Variants in EPB41L4B observed in about 807,000 individuals in gnomAD.
EPB41L4B encodes erythrocyte membrane protein band 4.1 like 4B.
Under a neutral mutation model 112.5 loss-of-function variants are expected in EPB41L4B, and 30 were observed. The observed-to-expected ratio is 0.27, with a 90% CI of 0.20 to 0.36. EPB41L4B has a LOEUF of 0.36. Ranked by LOEUF, EPB41L4B falls within the 10% of genes least tolerant of loss-of-function variation. The pLI, the probability that EPB41L4B is intolerant of heterozygous loss-of-function variation, is 1.00. For synonymous variants in EPB41L4B, 408 were observed against 439.7 expected (o/e 0.93, Z 0.90); for missense variants, 1,024 against 1,133.3 (o/e 0.90, Z 1.38).
In EPB41L4B at chr9:109,243,731, A is replaced by G. The variant is rs372818914; in HGVS notation, c.1345-49T>C. ...ATTATTTGATGACCTTTTAATTTCA[A>G]TGGTCCTCATTCGCTTTGTCTGTTC... On this transcript the variant is annotated intron_variant, in intron 14 of 25. Transcript: ENST00000374566. 1.2e-4 allele frequency: 195 copies of G among 1,578,540 alleles called. 1 individual carries two copies. The African/African-American group carries it at 2.3e-3, about 19-fold the overall frequency.
At chr9:109,197,827 A>AC (rs1010460292) in intron 20 of EPB41L4B, among the ~76,000 whole-genome samples, 4 of 151,742 alleles carry the variant, frequency 2.6e-5, no homozygotes, top group Admixed American at 2.0e-4. Flanking sequence ...ATCAAAAAAA[A>AC]AAAAAAACAA....
chr9:109,260,447 C>A (rs1051515218), intron 6 of EPB41L4B, among the ~76,000 whole-genome samples: 2 of 138,526 alleles, frequency 1.4e-5, no homozygotes, highest in Non-Finnish European at 3.0e-5. Flanking sequence ...CAGAGTCTCG[C>A]TCTGTCACCC....
intron 21 of EPB41L4B, among the ~76,000 whole-genome samples, chr9:109,193,886 G>T (rs375045139): frequency 6.6e-6 from 1 of 152,132 alleles, no homozygotes; most frequent in African/African-American, 2.4e-5. Flanking sequence ...ACTATGGTTG[G>T]GGGGGAATCA....
intron 18 of EPB41L4B, among the ~76,000 whole-genome samples, chr9:109,207,099 C>T (rs1833013510): frequency 6.6e-6 from 1 of 152,210 alleles, no homozygotes; most frequent in South Asian, 2.1e-4. Context: ...GGCACAGTGG[C>T]CCCTGCTTAG....
intron 19 of EPB41L4B, among the ~76,000 whole-genome samples, chr9:109,200,938 C>T (rs1405674051): frequency 6.6e-6 from 1 of 151,994 alleles, no homozygotes; most frequent in Admixed American, 6.6e-5. Flanking sequence ...TTCAGGTAAC[C>T]AATGGACCCT....
rs1365791680 is a variant in EPB41L4B at position 109,320,947 on chromosome 9, T to C, written c.-501A>G. The C allele has an allele frequency of 1.3e-5, 2 of 159,494 alleles. No individual in the cohort carries two copies. The highest frequency in any genetic ancestry group is 2.6e-5 in the Non-Finnish European group (2 of 75,572). The allele number at this position is 159,494 out of a possible 1,614,324, so 9.9% of individuals were successfully genotyped here. Reference sequence around the variant, plus strand: ...CGAGGAGGCCCCGCCGAGCGCCCGCTCCCAAGGCGCCTTTTCCTGCGCCCG... The same window carrying C: ...CGAGGAGGCCCCGCCGAGCGCCCGCCCCCAAGGCGCCTTTTCCTGCGCCCG... On this transcript the variant is annotated 5_prime_UTR_variant, in exon 1 of 26. Transcript: ENST00000374566.
intron 15 of EPB41L4B, among the ~76,000 whole-genome samples, chr9:109,227,856 A>AGGTGTGAGCCAC (rs1359560082): frequency 6.6e-6 from 1 of 152,156 alleles, no homozygotes. Context: ...CTGGGATTAC[A>AGGTGTGAGCCAC]GGTGTGAGCC....
At chr9:109,234,694 T>C (rs181243399) in intron 15 of EPB41L4B, among the ~76,000 whole-genome samples, 1 of 152,040 alleles carries the variant, frequency 6.6e-6, no homozygotes. Flanking sequence ...CAAGACCCCA[T>C]CTCTACAAAA....
intron 15 of EPB41L4B, among the ~76,000 whole-genome samples, chr9:109,225,814 A>G (rs1833741068): frequency 2.0e-5 from 3 of 152,102 alleles, no homozygotes; most frequent in Admixed American, 2.0e-4. Context: ...TGGGGGAGGG[A>G]CTGCATAGGG....
At chr9:109,250,831 TA>T (rs1834760080) in intron 13 of EPB41L4B, among the ~76,000 whole-genome samples, 1 of 152,206 alleles carries the variant, frequency 6.6e-6, no homozygotes, top group South Asian at 2.1e-4. Context: ...GGTCCACTGA[TA>T]TTTATAAGTA....
chr9:109,175,464 T>G (rs971588912), intron 25 of EPB41L4B, among the ~76,000 whole-genome samples: 1 of 103,914 alleles, frequency 9.6e-6, no homozygotes, highest in Non-Finnish European at 2.2e-5. Flanking sequence ...GTCTCCACTG[T>G]TTAAACACAC....
At chr9:109,248,324 C>T (rs1040184586) in intron 13 of EPB41L4B, among the ~76,000 whole-genome samples, 1 of 152,214 alleles carries the variant, frequency 6.6e-6, no homozygotes, top group Non-Finnish European at 1.5e-5. Flanking sequence ...AATGTTCTCT[C>T]CAGACAAGAC....
intron 20 of EPB41L4B, among the ~76,000 whole-genome samples, chr9:109,197,705 A>G (rs929448258): frequency 2.6e-5 from 4 of 151,812 alleles, no homozygotes; most frequent in African/African-American, 9.7e-5. Flanking sequence ...CTGTAGTCCC[A>G]GCTACTTGGG....
chr9:109,265,551 A>AACACACACACAC (rs10631824), intron 4 of EPB41L4B, among the ~76,000 whole-genome samples: 1 of 149,970 alleles, frequency 6.7e-6, no homozygotes, highest in African/African-American at 2.4e-5. Context: ...ACAGCACACA[A>AACACACACACAC]ACACACACAC....
intron 1 of EPB41L4B, among the ~76,000 whole-genome samples, chr9:109,303,528 T>C (rs943356652): frequency 2.0e-5 from 3 of 152,020 alleles, no homozygotes; most frequent in African/African-American, 7.3e-5. Context: ...TTTGTTTTTG[T>C]TTTTTGTAGA....
At chr9:109,315,258 G>A (rs1249003241) in intron 1 of EPB41L4B, among the ~76,000 whole-genome samples, 2 of 152,038 alleles carry the variant, frequency 1.3e-5, no homozygotes, top group Admixed American at 1.3e-4. Flanking sequence ...TCTAGGGCCA[G>A]GGTTTTTCAC....
rs1024456492 is a variant in EPB41L4B at position 109,190,122 on chromosome 9, T to G, written c.2301+2156A>C. On this transcript the variant is annotated intron_variant, in intron 22 of 25. Coordinates refer to ENST00000374566, the MANE Select transcript of EPB41L4B (RefSeq NM_019114.5). ...GGCTAGGTTACGCTGGTTCTGATAG[T>G]GTCTTGGTGGAACGTTGCTGAATGA... Among the ~76,000 whole-genome samples the G allele has an allele frequency of 2.6e-5, 4 of 152,242 alleles. No individual in the cohort carries two copies. The East Asian group carries it at 7.7e-4, about 29-fold the overall frequency.
At chr9:109,284,326 G>T (rs1836186638) in intron 1 of EPB41L4B, among the ~76,000 whole-genome samples, 1 of 152,178 alleles carries the variant, frequency 6.6e-6, no homozygotes, top group Admixed American at 6.5e-5. Flanking sequence ...CCATCATAAA[G>T]CCACAGAATC....
At chr9:109,276,433 C>T (rs532481775) in intron 2 of EPB41L4B, among the ~76,000 whole-genome samples, 2 of 152,124 alleles carry the variant, frequency 1.3e-5, no homozygotes, top group African/African-American at 2.4e-5. Flanking sequence ...AAGACCCAGA[C>T]TGTAAGGAGT....
Sources: allele counts gnomAD v4.1 joint callset (sites outside exome capture counted in the v4.1 genomes callset), GRCh38; gene constraint gnomAD v4.1.1; transcripts MANE v1.5; gene names NCBI Gene and HGNC (gene_info 2026-07-23, HGNC 2026-07-21).